SH3D19: variants seen among roughly 807,000 people sequenced by gnomAD.
SH3D19 encodes SH3 domain containing 19.
In SH3D19, 58 loss-of-function variants were observed where a neutral mutation model predicts 112.1. The observed-to-expected ratio is 0.52, with a 90% CI of 0.42 to 0.64. The LOEUF (loss-of-function observed/expected upper bound fraction) is 0.64. SH3D19 is among the 30% of genes least tolerant of loss of function. The pLI, the probability that SH3D19 is intolerant of heterozygous loss-of-function variation, is 0.00. For missense variants in SH3D19, 1,090 were observed against 1,263.4 expected, an observed-to-expected ratio of 0.86 and a Z score of 2.08; for synonymous variants, 391 against 448.5, an observed-to-expected ratio of 0.87 and a Z score of 1.62.
chr4:151,228,215 G>T (rs141961063), intron 1 of SH3D19, among the ~76,000 whole-genome samples: 191 of 152,198 alleles, frequency 1.3e-3, no homozygotes, highest in African/African-American at 4.3e-3. Flanking sequence ...TTCACTATTA[G>T]TGTTATCTGT....
intron 1 of SH3D19, among the ~76,000 whole-genome samples, chr4:151,321,494 T>C (rs772221541): frequency 6.6e-6 from 1 of 152,070 alleles, no homozygotes; most frequent in African/African-American, 2.4e-5. Context: ...AATGCCAGGC[T>C]GTATAAATCA....
intron 8 of SH3D19, among the ~76,000 whole-genome samples, chr4:151,165,137 G>A (rs551318359): frequency 6.6e-6 from 1 of 152,180 alleles, no homozygotes; most frequent in South Asian, 2.1e-4. Context: ...AAAGAAAAAT[G>A]AAATCCCCAG....
intron 9 of SH3D19, 116 bp from the exon 10 acceptor site, chr4:151,149,677 A>G (rs1405744757): frequency 3.6e-6 from 3 of 830,482 alleles, no homozygotes; most frequent in Non-Finnish European, 5.8e-6. Flanking sequence ...GTTGAATTAT[A>G]GAAAGTAGCT....
At chr4:151,196,604 T>C (rs1763508896) in intron 2 of SH3D19, among the ~76,000 whole-genome samples, 1 of 152,114 alleles carries the variant, frequency 6.6e-6, no homozygotes. Context: ...AATACTCCAG[T>C]ATGCTGGTTC....
Position 151,297,551 on chromosome 4 carries a change from G to A in SH3D19, c.112+27690C>T, listed in dbSNP as rs79966912. ...GGTAGTAGAAGCAAGATAACATATT[G>A]TTTGGATTTGGATGTAATTTAATGA... is the stretch of plus-strand genomic sequence containing the variant. On this transcript the variant is annotated intron_variant, in intron 1 of 19. Transcript: ENST00000604030. Among the ~76,000 whole-genome samples, 23 of 152,308 alleles carry A rather than the reference G, an allele frequency of 1.5e-4. No individual in the cohort carries two copies. In the East Asian group the frequency reaches 3.7e-3, roughly 24 times the overall value.
intron 1 of SH3D19, among the ~76,000 whole-genome samples, chr4:151,280,871 C>T (rs1774157378): frequency 6.6e-6 from 1 of 152,024 alleles, no homozygotes; most frequent in Admixed American, 6.6e-5. Context: ...TTATTTCCAA[C>T]TTAGAATTCT....
intron 19 of SH3D19, 32 bp from the exon 20 acceptor site, chr4:151,122,239 T>G: frequency 2.7e-4 from 336 of 1,222,992 alleles, no homozygotes; most frequent in Middle Eastern, 3.8e-4. Context: ...AATTACTGGT[T>G]TCTGTTGAGA....
At chr4:151,131,301 T>G (rs1381992013) in intron 17 of SH3D19, among the ~76,000 whole-genome samples, 4 of 151,480 alleles carry the variant, frequency 2.6e-5, no homozygotes, top group African/African-American at 9.7e-5. Context: ...TTTCTCTCTT[T>G]TTTTTTTAAC....
intron 1 of SH3D19, chr4:151,291,013 C>T (rs1775279495): frequency 1.3e-6 from 1 of 793,500 alleles, no homozygotes; most frequent in Non-Finnish European, 2.0e-6. Flanking sequence ...TTCCACAGCT[C>T]CATGGGTCTC....
At chr4:151,221,085 A>C (rs572721212) in intron 2 of SH3D19, among the ~76,000 whole-genome samples, 2 of 152,324 alleles carry the variant, frequency 1.3e-5, no homozygotes, top group East Asian at 3.9e-4. Flanking sequence ...ACATATGATA[A>C]AACTTTTCCT....
chr4:151,241,307 A>G (rs1283382366), intron 1 of SH3D19, among the ~76,000 whole-genome samples: 7 of 151,806 alleles, frequency 4.6e-5, no homozygotes, highest in Non-Finnish European at 1.5e-5. Context: ...ATAAATACGT[A>G]AATAAATAAG....
chr4:151,304,959 T>TAAAAC lies in SH3D19; in HGVS notation c.112+20277_112+20281dup, dbSNP rs139381170. Among the ~76,000 whole-genome samples the TAAAAC allele has an allele frequency of 8.1e-3, 1,232 of 152,104 alleles. 14 individuals carry two copies. Among genetic ancestry groups the TAAAAC allele is most frequent in the African/African-American group, 0.028 (1,142 of 41,496 alleles). On this transcript the variant is annotated intron_variant, in intron 1 of 19. Coordinates refer to ENST00000604030, the MANE Select transcript of SH3D19 (RefSeq NM_001378122.1). Reference sequence around the variant, plus strand: ...GGGAGGTTCTTTTTGGTTCTAGGCATAAAACAAAACAAAACAAAACAAAAC... The same window carrying TAAAAC: ...GGGAGGTTCTTTTTGGTTCTAGGCATAAAACAAAACAAAACAAAACAAAACAAAAC...
intron 1 of SH3D19, among the ~76,000 whole-genome samples, chr4:151,266,927 C>T (rs1772832569): frequency 1.3e-5 from 2 of 152,026 alleles, no homozygotes; most frequent in African/African-American, 4.8e-5. Flanking sequence ...AATAAAAACA[C>T]ACAAAACTGA....
At position 151,144,000 on chromosome 4, in the gene SH3D19, C is replaced by T. The variant is rs762673051; in HGVS notation, c.2133G>A (p.Glu711=). The T allele has an allele frequency of 6.2e-6, 10 of 1,614,148 alleles. No individual in the cohort carries two copies. The South Asian group carries it at 8.8e-5, about 14-fold the overall frequency. The change falls in exon 12 of 20, where the codon GAG becomes GAA. Residue 711 remains glutamate (E), a synonymous_variant. Transcript: ENST00000604030. ...TGCCAGTGTCTTCTCCCTTTTGGCA[C>T]TCCAAGTAATTATTTTCCGTCTGCT... is the stretch of plus-strand genomic sequence containing the variant. ...MLKQTENNYL[E]CQKGEDTGRV...
intron 2 of SH3D19, among the ~76,000 whole-genome samples, chr4:151,224,869 A>T (rs553237214): frequency 1.3e-5 from 2 of 152,288 alleles, no homozygotes; most frequent in East Asian, 3.9e-4. Flanking sequence ...TAAGTATCTA[A>T]TATAAAAGAA....
intron 9 of SH3D19, among the ~76,000 whole-genome samples, chr4:151,158,393 G>C (rs1284309208): frequency 6.6e-6 from 1 of 151,944 alleles, no homozygotes; most frequent in South Asian, 2.1e-4. Flanking sequence ...TCTGTCTCCC[G>C]GGTTCAAGCG....
At chr4:151,174,536 C>T (rs916072627) in intron 7 of SH3D19, 134 bp downstream of exon 7, 5 of 693,568 alleles carry the variant, frequency 7.2e-6, no homozygotes, top group South Asian at 4.4e-5. Flanking sequence ...TGTTTCTATA[C>T]ACACACATGC....
intron 8 of SH3D19, among the ~76,000 whole-genome samples, chr4:151,163,571 TTTC>T (rs1460101987): frequency 9.1e-5 from 12 of 131,642 alleles, no homozygotes. Context: ...CTGCCAGTTT[TTTC>T]TTTCTTTCTT....
At chr4:151,155,780 T>A (rs1755988367) in intron 9 of SH3D19, among the ~76,000 whole-genome samples, 1 of 152,106 alleles carries the variant, frequency 6.6e-6, no homozygotes, top group Admixed American at 6.6e-5. Context: ...TCCCAGCTAC[T>A]TGGGAGGCTG....
Sources: gnomAD v4.1 joint callset for allele counts (sites outside exome capture counted in the v4.1 genomes callset) on GRCh38, gnomAD v4.1.1 for gene constraint, MANE v1.5 for transcripts, NCBI Gene and HGNC (gene_info 2026-07-23, HGNC 2026-07-21) for gene names.